BTBD8: variants seen among roughly 807,000 people sequenced by gnomAD.
BTBD8 encodes the protein BTB/POZ domain-containing protein 8.
In BTBD8, 110 loss-of-function variants were observed where a neutral mutation model predicts 162.9. The observed-to-expected ratio is 0.68, with a 90% CI of 0.58 to 0.79. The LOEUF (loss-of-function observed/expected upper bound fraction) is 0.79. Ranked by LOEUF, BTBD8 falls within the 30% of genes least tolerant of loss-of-function variation. The probability of loss-of-function intolerance (pLI) is 0.00; values close to 1 mark genes in which losing one functional copy is unlikely to be tolerated. For missense variants in BTBD8, 1,905 were observed against 2,085.4 expected, an observed-to-expected ratio of 0.91 and a Z score of 1.68; for synonymous variants, 667 against 716.1, an observed-to-expected ratio of 0.93 and a Z score of 1.10.
intron 2 of BTBD8, among the ~76,000 whole-genome samples, chr1:92,091,162 C>T (rs1648284534): frequency 6.6e-6 from 1 of 152,128 alleles, no homozygotes; most frequent in Admixed American, 6.5e-5. Flanking sequence ...GGATTTCCCC[C>T]TGGCTGTTCT....
rs551733877 is a variant in BTBD8, at chr1:92,088,694, A to G, written c.150-4A>G. 3.8e-6 allele frequency: 6 copies of G among 1,570,988 alleles called. No homozygotes were observed. The African/African-American group carries it at 8.2e-5, about 21-fold the overall frequency. ...AAACTATGATTCCTTTTTATTCCTT[A>G]TAGGCTTCTAAGGGAAGAATTCCAT... On this transcript the variant is annotated splice_polypyrimidine_tract_variant and splice_region_variant and intron_variant, in intron 1 of 17. Transcript: ENST00000636805.
chr1:92,182,647 A>C (rs1377116831), intron 17 of BTBD8, 52 bp downstream of exon 17: 12 of 1,203,982 alleles, frequency 1.0e-5, no homozygotes, highest in Non-Finnish European at 1.3e-5. Context: ...AGTTTATAAA[A>C]TTTTAAAGTT....
chr1:92,124,879 A>G (rs1252900270), intron 4 of BTBD8, among the ~76,000 whole-genome samples: 1 of 152,220 alleles, frequency 6.6e-6, no homozygotes, highest in African/African-American at 2.4e-5. Flanking sequence ...GTTTTGAACT[A>G]GAACTCCGGA....
At chr1:92,119,772 G>T (rs1342584699) in intron 4 of BTBD8, among the ~76,000 whole-genome samples, 1 of 150,752 alleles carries the variant, frequency 6.6e-6, no homozygotes, top group Non-Finnish European at 1.5e-5. Flanking sequence ...GACTACAGGT[G>T]CCCGTCACCG....
Position 92,167,882 on chromosome 1 carries a change from A to G in BTBD8, c.1340A>G (p.Asp447Gly). Residue 447 changes from aspartate to glycine, a missense_variant, in exon 11 of 18, where the codon GAC (aspartate) becomes GGC (glycine). Physicochemically the swap from Asp to Gly is moderately conservative, Grantham distance 94 (BLOSUM62 -1). Around this residue, in one of 3 missense-constraint regions of BTBD8, gnomAD observed 1,374 missense variants for 1,442.7 expected, o/e 0.95. Coordinates refer to ENST00000636805, the MANE Select transcript of BTBD8 (RefSeq NM_001376131.1). ...ATGAGCAGCACAGCCGATCTGTTGG[A>G]CACAATTTTAAAAGCAATTGAAGAA... is the stretch of plus-strand genomic sequence containing the variant. ...QAMSSTADLL[D>G]TILKAIEENI... 1 of 1,551,156 alleles carries G rather than the reference A, an allele frequency of 6.4e-7. No individual in the cohort carries two copies. Among genetic ancestry groups the G allele is most frequent in the Non-Finnish European group, 8.7e-7 (1 of 1,146,544 alleles).
At chr1:92,103,008 A>T (rs1462954947) in intron 3 of BTBD8, among the ~76,000 whole-genome samples, 3 of 152,210 alleles carry the variant, frequency 2.0e-5, no homozygotes, top group African/African-American at 7.2e-5. Context: ...TGCATATTAA[A>T]TGGTTAAGAA....
chr1:92,175,072 T>C (rs1263432817), intron 13 of BTBD8, among the ~76,000 whole-genome samples: 1 of 152,118 alleles, frequency 6.6e-6, no homozygotes, highest in Non-Finnish European at 1.5e-5. Context: ...GTATCCAATA[T>C]GTGACATGGT....
At chr1:92,130,296 G>C (rs183212103) in intron 5 of BTBD8, among the ~76,000 whole-genome samples, 1 of 152,080 alleles carries the variant, frequency 6.6e-6, no homozygotes, top group Non-Finnish European at 1.5e-5. Flanking sequence ...GGGGGTTAGG[G>C]CTTTACCATA....
intron 2 of BTBD8, among the ~76,000 whole-genome samples, chr1:92,100,803 G>A (rs1648570878): frequency 6.6e-6 from 1 of 152,108 alleles, no homozygotes; most frequent in African/African-American, 2.4e-5. Context: ...TAGAGACGGG[G>A]TTTCACCATG....
chr1:92,144,810 TAC>T (rs10631515), intron 7 of BTBD8, among the ~76,000 whole-genome samples: 4,378 of 140,708 alleles, frequency 0.031, 158 homozygotes, highest in African/African-American at 0.085. Context: ...AAAAAAAAAC[TAC>T]ACACACACAC....
intron 5 of BTBD8, among the ~76,000 whole-genome samples, chr1:92,137,120 T>C (rs1359473160): frequency 6.6e-6 from 1 of 152,128 alleles, no homozygotes; most frequent in East Asian, 1.9e-4. Flanking sequence ...AATGAGTAAG[T>C]TTAGTTATCT....
chr1:92,126,826 T>C (rs972309750), intron 4 of BTBD8, among the ~76,000 whole-genome samples: 1 of 152,166 alleles, frequency 6.6e-6, no homozygotes, highest in Non-Finnish European at 1.5e-5. Flanking sequence ...CTGACATAAC[T>C]TTCCGGTTTT....
chr1:92,120,134 CA>C (rs142166916), intron 4 of BTBD8, among the ~76,000 whole-genome samples: 1 of 152,090 alleles, frequency 6.6e-6, no homozygotes, highest in Non-Finnish European at 1.5e-5. Flanking sequence ...TCAAGTGATC[CA>C]CCCGCCTCGG....
intron 4 of BTBD8, chr1:92,125,465 G>C (rs1278422421): frequency 3.1e-6 from 1 of 321,490 alleles, no homozygotes; most frequent in South Asian, 3.1e-5. Context: ...GGAACACTTT[G>C]AGAGGCTGGA....
rs756286627 is a variant in BTBD8 at position 92,180,951 on chromosome 1, C to G, written c.3268C>G (p.Leu1090Val). The part of the protein sequence containing the change: ...VNSKFYSTTA[L>V]KYMVSNPNEN... ...TTCAAAATTTTATAGCACCACAGCCCTAAAATACATGGTTTCAAATCCAAA... is the reference window on the plus strand; with the variant it reads ...TTCAAAATTTTATAGCACCACAGCCGTAAAATACATGGTTTCAAATCCAAA... Residue 1090 changes from leucine (L) to valine (V), a missense_variant, in exon 17 of 18, where the codon CTA becomes GTA. Leu to Val is a conservative substitution (Grantham distance 32, BLOSUM62 1). This residue lies in a region of BTBD8 where 1,374 missense variants were observed against 1,442.7 expected (regional missense o/e 0.95). Transcript: ENST00000636805. 107 of 1,551,450 alleles carry G rather than the reference C, an allele frequency of 6.9e-5. No homozygotes were observed. Among genetic ancestry groups the G allele is most frequent in the Middle Eastern group, 3.3e-4 (2 of 6,014 alleles).
At chr1:92,126,509 T>G in intron 4 of BTBD8, 1 of 293,472 alleles carries the variant, frequency 3.4e-6, no homozygotes, top group Non-Finnish European at 6.3e-6. Context: ...CTCAATCCTC[T>G]TCACTCATGC....
intron 5 of BTBD8, among the ~76,000 whole-genome samples, chr1:92,133,152 A>C (rs1451312733): frequency 6.6e-6 from 1 of 152,218 alleles, no homozygotes; most frequent in African/African-American, 2.4e-5. Context: ...CTTACATTGT[A>C]AACCTGGGCA....
intron 9 of BTBD8, among the ~76,000 whole-genome samples, chr1:92,156,420 G>C (rs575151412): frequency 6.6e-6 from 1 of 152,114 alleles, no homozygotes; most frequent in Non-Finnish European, 1.5e-5. Context: ...TGGTGTCAGA[G>C]TAGTGCTGGC....
At chr1:92,173,420 G>C (rs1398953699) in intron 13 of BTBD8, among the ~76,000 whole-genome samples, 1 of 152,148 alleles carries the variant, frequency 6.6e-6, no homozygotes, top group African/African-American at 2.4e-5. Flanking sequence ...TGGTGCACTA[G>C]GACATTTTTT....
Sources: gnomAD v4.1 joint callset for allele counts (sites outside exome capture counted in the v4.1 genomes callset) on GRCh38, gnomAD v4.1.1 for gene constraint, gnomAD v4.1.1 regional missense constraint, MANE v1.5 for transcripts, NCBI Gene and HGNC (gene_info 2026-07-23, HGNC 2026-07-21) for gene names.